GPR107: variants seen among roughly 807,000 people sequenced by gnomAD.
The protein encoded by GPR107 is G protein-coupled receptor 107, also known as protein GPR107.
GPR107 carries 31 observed loss-of-function variants against 75.5 expected under a neutral mutation model. That is an observed-to-expected ratio of 0.41 (90% CI 0.31 to 0.55). The LOEUF is 0.55. Among genes scored for constraint, GPR107 ranks in the 20% least tolerant of loss-of-function variants. The pLI is 0.26. For missense variants in GPR107, 572 were observed against 665.7 expected (o/e 0.86, Z 1.55); for synonymous variants, 267 against 251.3 (o/e 1.06, Z -0.59).
chr9:130,063,810 C>CTTT (rs1317543145), intron 1 of GPR107, among the ~76,000 whole-genome samples: 3 of 130,232 alleles, frequency 2.3e-5, no homozygotes, highest in Admixed American at 7.8e-5. Context: ...GGAGTTTATT[C>CTTT]TTTTTTTTTT....
At chr9:130,098,917 G>C (rs990082564) in intron 9 of GPR107, among the ~76,000 whole-genome samples, 1 of 152,000 alleles carries the variant, frequency 6.6e-6, no homozygotes, top group Non-Finnish European at 1.5e-5. Flanking sequence ...TTGAGGCGGT[G>C]GGGGGGCATC....
chr9:130,094,657 T>G (rs1417034361), intron 9 of GPR107, among the ~76,000 whole-genome samples: 2 of 150,960 alleles, frequency 1.3e-5, no homozygotes, highest in East Asian at 3.9e-4. Flanking sequence ...GGTTTTTTTA[T>G]TTTGTTTTGT....
intron 14 of GPR107, chr9:130,108,883 C>G (rs2132622186): frequency 7.2e-6 from 3 of 414,086 alleles, no homozygotes; most frequent in East Asian, 7.8e-5. Context: ...GCTTTTGCTT[C>G]TAGCCGGGCT....
In GPR107 at chr9:130,101,214, TC is replaced by T; in HGVS notation, c.1124del (p.Pro375HisfsTer8). ...ACAAAAAGATCTTCATGATTGTCAT[TC>T]CACTCCAGGTAAAAGAACCCTCATC... The part of the protein sequence containing the change: ...KDKKIFMIVI[P>X]LQVLANVAYI... On this transcript the variant is annotated frameshift_variant, in exon 12 of 18. Transcript: ENST00000347136. LOFTEE classifies it high-confidence loss of function. The T allele has an allele frequency of 6.6e-7, 1 of 1,525,162 alleles. No homozygotes were observed. The highest frequency in any genetic ancestry group is 9.1e-7 in the Non-Finnish European group (1 of 1,098,820). 94.5% of individuals were successfully genotyped at this position (1,525,162 alleles called of 1,614,324 possible).
At chr9:130,089,276 C>T (rs1371786516) in intron 7 of GPR107, among the ~76,000 whole-genome samples, 1 of 152,186 alleles carries the variant, frequency 6.6e-6, no homozygotes, top group Non-Finnish European at 1.5e-5. Context: ...GGCGAACATC[C>T]AGGCACAGCA....
chr9:130,083,540 C>G (rs1830541844), intron 5 of GPR107, 25 bp from the exon 6 acceptor site: 1 of 1,481,410 alleles, frequency 6.8e-7, no homozygotes, highest in Non-Finnish European at 9.0e-7. Context: ...ATGCAGCACT[C>G]TCTTTTAAAT....
chr9:130,072,694 A>T (rs959480486), intron 1 of GPR107, among the ~76,000 whole-genome samples: 1 of 151,900 alleles, frequency 6.6e-6, no homozygotes, highest in African/African-American at 2.4e-5. Flanking sequence ...GCAAAGGTTT[A>T]AAAAAAAGGA....
rs899886379 is a variant in GPR107, at chr9:130,112,184, C to A, written c.1306+4645C>A. Among the ~76,000 whole-genome samples, 2 of 152,172 alleles carry A rather than the reference C, an allele frequency of 1.3e-5. No individual in the cohort carries two copies. The highest frequency in any genetic ancestry group is 2.4e-5 in the African/African-American group (1 of 41,444). ...AAGTCAGAAGATGTATTCTGAAGAG[C>A]CTTAGCTTTCATGTGAGCTTCAGAA... On this transcript the variant is annotated intron_variant, in intron 14 of 17. Transcript: ENST00000347136. This position sits in a 1 kb window ranked among gnomAD's most constrained non-coding sequence, Gnocchi z 4.0.
rs543832635 is a variant in GPR107, at chr9:130,135,987, G to C, written c.*866G>C. The C allele has an allele frequency of 1.3e-5, 2 of 152,418 alleles. No individual in the cohort carries two copies. The highest frequency in any genetic ancestry group is 2.1e-4 in the South Asian group (1 of 4,826). The allele number at this position is 152,418 out of a possible 1,614,324, so 9.4% of individuals were successfully genotyped here. Reference sequence around the variant, plus strand: ...TTCCCTTCATGCTTGTGGCTTTGTTGTGTTTGATCAGAATTTTGGGGGAAA... The same window carrying C: ...TTCCCTTCATGCTTGTGGCTTTGTTCTGTTTGATCAGAATTTTGGGGGAAA... On this transcript the variant is annotated 3_prime_UTR_variant, in exon 18 of 18. Transcript: ENST00000347136.
intron 17 of GPR107, among the ~76,000 whole-genome samples, chr9:130,131,706 C>A (rs556730680): frequency 6.6e-6 from 1 of 152,246 alleles, no homozygotes; most frequent in East Asian, 1.9e-4. Flanking sequence ...ACACGGACAT[C>A]CACCCAGTCT....
chr9:130,129,941 T>A (rs921010654), intron 17 of GPR107: 1 of 152,252 alleles, frequency 6.6e-6, no homozygotes, highest in Non-Finnish European at 1.5e-5. Flanking sequence ...GCTTCCCACA[T>A]CCTTTCCCTC....
At chr9:130,128,891 A>G (rs2132655509) in intron 17 of GPR107, 130 bp downstream of exon 17, 1 of 814,728 alleles carries the variant, frequency 1.2e-6, no homozygotes, top group African/African-American at 1.7e-5. Context: ...TTTTAGCAGA[A>G]GGAAGCGGAC....
In GPR107 at chr9:130,077,279, A is replaced by G. The variant is rs766702418; in HGVS notation, c.307-20A>G. On this transcript the variant is annotated intron_variant, in intron 3 of 17. Transcript: ENST00000347136. ...GTGTGAATGAATAAGATGATGTACA[A>G]TTGGCTCTTCCTTTCTCAGGATGAA... 1.8e-5 allele frequency: 23 copies of G among 1,278,698 alleles called. No homozygotes were observed. The South Asian group carries it at 2.6e-4, about 15-fold the overall frequency. The allele number at this position is 1,278,698 out of a possible 1,614,324, so 79.2% of individuals were successfully genotyped here.
chr9:130,128,927 G>C (rs769774451), intron 17 of GPR107, 166 bp downstream of exon 17: 10 of 634,554 alleles, frequency 1.6e-5, no homozygotes, highest in Non-Finnish European at 2.7e-5. Context: ...TGTCTGATCT[G>C]GTTTGAAGTA....
At chr9:130,061,085 G>A (rs1163566998) in intron 1 of GPR107, among the ~76,000 whole-genome samples, 2 of 152,228 alleles carry the variant, frequency 1.3e-5, no homozygotes, top group East Asian at 1.9e-4. Context: ...CGCAACACAT[G>A]CCTTCTGTCT....
chr9:130,087,318 G>A (rs1208405754), intron 7 of GPR107, among the ~76,000 whole-genome samples: 1 of 152,156 alleles, frequency 6.6e-6, no homozygotes, highest in Non-Finnish European at 1.5e-5. Flanking sequence ...GATTACAGAT[G>A]TGAGCCACCT....
At chr9:130,065,788 A>G (rs200897788) in intron 1 of GPR107, among the ~76,000 whole-genome samples, 10,928 of 128,222 alleles carry the variant, frequency 0.085, 551 homozygotes, top group Admixed American at 0.14. Flanking sequence ...AAAAAAAAAA[A>G]AGTGATGTTT....
chr9:130,104,367 A>G (rs536016944), intron 12 of GPR107, 53 bp from the exon 13 acceptor site: 4 of 1,584,174 alleles, frequency 2.5e-6, no homozygotes, highest in East Asian at 2.2e-5. Flanking sequence ...GGCTGCTAGC[A>G]TCATAACAGT....
chr9:130,105,351 T>TCAAGTGATTCTCCTGCCTC (rs771577588), intron 13 of GPR107, among the ~76,000 whole-genome samples: 24 of 151,986 alleles, frequency 1.6e-4, no homozygotes, highest in Non-Finnish European at 3.1e-4. Flanking sequence ...CCTCCTGGGT[T>TCAAGTGATTCTCCTGCCTC]CAAGTGATTC....
Sources: gnomAD v4.1 joint callset for allele counts (sites outside exome capture counted in the v4.1 genomes callset) on GRCh38, gnomAD v4.1.1 for gene constraint, Gnocchi (gnomAD v3.1) non-coding constraint, MANE v1.5 for transcripts, NCBI Gene and HGNC (gene_info 2026-07-23, HGNC 2026-07-21) for gene names.